Variants in RDH12 observed in about 807,000 individuals in gnomAD.
The protein encoded by RDH12 is retinol dehydrogenase 12, also known as all-trans and 9-cis retinol dehydrogenase.
Under a neutral mutation model 34.0 loss-of-function variants are expected in RDH12, and 21 were observed. The ratio of observed to expected loss-of-function variants is 0.62; its 90% confidence interval spans 0.44 to 0.89. The LOEUF is 0.89. RDH12 is among the 40% of genes least tolerant of loss of function. RDH12 has a pLI of 0.00. For missense variants in RDH12, 394 were observed against 398.6 expected, an observed-to-expected ratio of 0.99 and a Z score of 0.10; for synonymous variants, 198 against 169.9, an observed-to-expected ratio of 1.17 and a Z score of -1.29.
Position 67,722,698 on chromosome 14 carries a change from CTCCA to C in RDH12, c.63_66del (p.Ile22GlyfsTer19), listed in dbSNP as rs794729650. On this transcript the variant is annotated frameshift_variant, in exon 3 of 9. Coordinates refer to ENST00000551171, the MANE Select transcript of RDH12 (RefSeq NM_152443.3). LOFTEE classifies it high-confidence loss of function. ...TTCTTCTCGTTCCTGTATATGGTAG[CTCCA>C]TCCATCAGGTTTGTCTTAATTCAGC... is the stretch of plus-strand genomic sequence containing the variant. 7.4e-6 allele frequency: 12 copies of C among 1,613,522 alleles called. No individual in the cohort carries two copies. The highest frequency in any genetic ancestry group is 1.0e-5 in the Non-Finnish European group (12 of 1,179,554).
intron 1 of RDH12, among the ~76,000 whole-genome samples, chr14:67,705,784 C>T (rs980925103): frequency 1.3e-5 from 2 of 152,090 alleles, no homozygotes; most frequent in Non-Finnish European, 2.9e-5. Context: ...TTTTAAAAGA[C>T]ACATTTGATC....
chr14:67,733,150 A>T (rs1005429951), intron 8 of RDH12, among the ~76,000 whole-genome samples: 1 of 152,078 alleles, frequency 6.6e-6, no homozygotes, highest in African/African-American at 2.4e-5. Context: ...AACAAAAAAA[A>T]ACATGATGAG....
chr14:67,717,211 CA>C (rs1213108331), intron 1 of RDH12, among the ~76,000 whole-genome samples: 1 of 152,220 alleles, frequency 6.6e-6, no homozygotes, highest in East Asian at 1.9e-4. Flanking sequence ...GCTGTTTTGA[CA>C]AAGGCATAGA....
chr14:67,727,007 C>T lies in RDH12; in HGVS notation c.475C>T (p.Leu159=). ...LGHFLLTYLL[L]ERLKVSAPAR... is the part of the protein sequence containing the mutation. ...CCACTTCCTCCTCACCTACCTGCTC[C>T]TGGAGCGGCTAAAGGTGTCTGCCCC... Residue 159 remains leucine (L), a synonymous_variant, in exon 7 of 9, where the codon CTG becomes TTG. Transcript: ENST00000551171. 1 of 1,613,152 alleles carries T rather than the reference C, an allele frequency of 6.2e-7. No homozygotes were observed. Among genetic ancestry groups the T allele is most frequent in the Non-Finnish European group, 8.5e-7 (1 of 1,180,040 alleles).
rs367548499 is a variant in RDH12, at chr14:67,712,215, C to T, written c.-274-8633C>T. On this transcript the variant is annotated intron_variant, in intron 1 of 8. Transcript: ENST00000551171. ...GATTACAGGCGTGAACCACCACACC[C>T]GGCCTGGGACTACCTGTCTTTTAAC... Among the ~76,000 whole-genome samples the T allele has an allele frequency of 3.6e-4, 54 of 151,962 alleles. 1 individual carries two copies. The highest frequency in any genetic ancestry group is 1.2e-3 in the African/African-American group (48 of 41,502).
intron 8 of RDH12, among the ~76,000 whole-genome samples, chr14:67,732,769 C>G (rs1374782601): frequency 5.3e-5 from 8 of 152,056 alleles, no homozygotes; most frequent in Non-Finnish European, 1.2e-4. Context: ...TTAGTAGAGG[C>G]AGGGTTTCGC....
At chr14:67,729,428 G>C (rs771292996) in intron 8 of RDH12, 48 bp downstream of exon 8, 1 of 1,560,402 alleles carries the variant, frequency 6.4e-7, no homozygotes, top group African/African-American at 1.3e-5. Flanking sequence ...TGCATGGGAG[G>C]TGCCGGACTC....
At position 67,726,282 on chromosome 14, in the gene RDH12, C is replaced by A. The variant is rs2038184856; in HGVS notation, c.448+127C>A. Reference sequence around the variant, plus strand: ...AGCCTAGGAATTCCAATAGACTAGACCCATTGGCTTGTTGTTCACTGTACC... The same window carrying A: ...AGCCTAGGAATTCCAATAGACTAGAACCATTGGCTTGTTGTTCACTGTACC... On this transcript the variant is annotated intron_variant, in intron 6 of 8. Coordinates refer to ENST00000551171, the MANE Select transcript of RDH12 (RefSeq NM_152443.3). The A allele has an allele frequency of 3.3e-5, 24 of 727,382 alleles. 1 individual carries two copies. The South Asian group carries it at 3.5e-4, about 10-fold the overall frequency. The allele number at this position is 727,382 out of a possible 1,614,324, so 45.1% of individuals were successfully genotyped here. A position where few individuals can be genotyped will look rare whatever the true frequency, so the allele number is the denominator to read the frequency against.
chr14:67,725,202 G>A lies in RDH12; in HGVS notation c.291G>A (p.Leu97=), dbSNP rs2038171160. ...TKNSQVLVRK[L]DLSDTKSIRA... ...ACTCCCAGGTGCTGGTGCGGAAATT[G>A]GACCTATCCGACACCAAATCTATCC... Residue 97 remains leucine, a synonymous_variant, in exon 5 of 9, where the codon TTG becomes TTA. Transcript: ENST00000551171. 1.2e-6 allele frequency: 2 copies of A among 1,614,080 alleles called. No homozygotes were observed. The highest frequency in any genetic ancestry group is 1.7e-6 in the Non-Finnish European group (2 of 1,180,036).
chr14:67,732,466 G>A (rs1346546744), intron 8 of RDH12, among the ~76,000 whole-genome samples: 1 of 141,614 alleles, frequency 7.1e-6, no homozygotes, highest in Non-Finnish European at 1.5e-5. Flanking sequence ...ACTAGATACA[G>A]TATGATCCCG....
intron 1 of RDH12, among the ~76,000 whole-genome samples, chr14:67,706,478 A>G (rs963744530): frequency 2.0e-5 from 3 of 152,222 alleles, no homozygotes; most frequent in Non-Finnish European, 2.9e-5. Context: ...CGGGACATCA[A>G]TCAACATATG....
intron 5 of RDH12, 65 bp downstream of exon 5, chr14:67,725,319 G>T: frequency 6.6e-7 from 1 of 1,515,016 alleles, no homozygotes; most frequent in Non-Finnish European, 9.1e-7. Flanking sequence ...CTCCACCCTA[G>T]ACCATCTATG....
rs879130689 is a variant in RDH12, at chr14:67,725,019, C to T, written c.188-80C>T. 40 of 1,494,812 alleles carry T rather than the reference C, an allele frequency of 2.7e-5. 1 individual carries two copies. The East Asian group carries it at 7.2e-4, about 27-fold the overall frequency. The allele number at this position is 1,494,812 out of a possible 1,614,324, so 92.6% of individuals were successfully genotyped here. ...GGCTGGGAGAATGAATGCTCTGTCC[C>T]CCAGTCCCAAGCTCACTTACTATAC... On this transcript the variant is annotated intron_variant, in intron 4 of 8. Transcript: ENST00000551171.
chr14:67,712,985 C>T (rs1024106789), intron 1 of RDH12, among the ~76,000 whole-genome samples: 1 of 151,724 alleles, frequency 6.6e-6, no homozygotes, highest in Non-Finnish European at 1.5e-5. Context: ...GACTTATTCC[C>T]CATAATTTGG....
intron 3 of RDH12, among the ~76,000 whole-genome samples, chr14:67,724,035 A>C (rs756492649): frequency 8.5e-5 from 13 of 152,196 alleles, no homozygotes; most frequent in Non-Finnish European, 1.8e-4. Context: ...GCCACCCCCC[A>C]CAGAGTGCTG....
intron 1 of RDH12, among the ~76,000 whole-genome samples, chr14:67,713,241 AAAACAAACAAAC>A (rs755392263): frequency 6.6e-6 from 1 of 150,870 alleles, no homozygotes; most frequent in Non-Finnish European, 1.5e-5. Flanking sequence ...AGAAGCAGGA[AAAACAAACAAAC>A]AAACAAACAA....
Position 67,721,475 on chromosome 14 carries a change from G to A in RDH12, c.-220+573G>A, listed in dbSNP as rs113670827. Among the ~76,000 whole-genome samples, 159 of 152,056 alleles carry A rather than the reference G, an allele frequency of 1.0e-3. 2 individuals carry two copies. Among genetic ancestry groups the A allele is most frequent in the African/African-American group, 3.5e-3 (147 of 41,478 alleles). ...TGCCTAAGCTCAGTCTTGAACTTCT[G>A]GCCTCAAGGGATCCCCCTACCTTGG... On this transcript the variant is annotated intron_variant, in intron 2 of 8. Transcript: ENST00000551171.
chr14:67,724,125 A>G (rs2038156554), intron 3 of RDH12, among the ~76,000 whole-genome samples: 1 of 152,236 alleles, frequency 6.6e-6, no homozygotes, highest in Non-Finnish European at 1.5e-5. Context: ...AATGTAGGTT[A>G]GAGGGGAAAG....
At chr14:67,721,881 T>C (rs2038128677) in intron 2 of RDH12, among the ~76,000 whole-genome samples, 1 of 152,124 alleles carries the variant, frequency 6.6e-6, no homozygotes, top group Admixed American at 6.5e-5. Context: ...GTGGAGCTTT[T>C]AAATAGATTC....
Sources: allele counts gnomAD v4.1 joint callset (sites outside exome capture counted in the v4.1 genomes callset), GRCh38; gene constraint gnomAD v4.1.1; transcripts MANE v1.5; gene names NCBI Gene and HGNC (gene_info 2026-07-23, HGNC 2026-07-21).